COL22A1: variants seen among roughly 807,000 people sequenced by gnomAD.
COL22A1 encodes the protein collagen alpha-1(XXII) chain.
In COL22A1, 221 loss-of-function variants were observed where a neutral mutation model predicts 248.9. That is an observed-to-expected ratio of 0.89 (90% CI 0.80 to 0.99). The LOEUF (loss-of-function observed/expected upper bound fraction) is 0.99, where lower values mean the gene tolerates loss of function less well. Among genes scored for constraint, COL22A1 ranks in the 50% least tolerant of loss-of-function variants. COL22A1 has a pLI of 0.00. For missense variants in COL22A1, 2,240 were observed against 2,179.0 expected, an observed-to-expected ratio of 1.03 and a Z score of -0.56; for synonymous variants, 891 against 793.4, an observed-to-expected ratio of 1.12 and a Z score of -2.07.
At chr8:138,911,289 G>T (rs1815435519) in intron 1 of COL22A1, among the ~76,000 whole-genome samples, 1 of 152,216 alleles carries the variant, frequency 6.6e-6, no homozygotes, top group Non-Finnish European at 1.5e-5. Context: ...CTACAGGGCA[G>T]CCCTCCAAAT....
At chr8:138,592,218 T>C (rs1817131343) in intron 63 of COL22A1, among the ~76,000 whole-genome samples, 1 of 152,214 alleles carries the variant, frequency 6.6e-6, no homozygotes, top group African/African-American at 2.4e-5. Flanking sequence ...TGATCCATTT[T>C]CTCTGGGAGG....
At position 138,623,781 on chromosome 8, in the gene COL22A1, T is replaced by C. The variant is rs182329218; in HGVS notation, c.3722A>G (p.Glu1241Gly). The C allele has an allele frequency of 6.2e-7, 1 of 1,612,772 alleles. No individual in the cohort carries two copies. The highest frequency in any genetic ancestry group is 1.7e-5 in the Admixed American group (1 of 59,764). Residue 1241 changes from glutamate (E) to glycine (G), a missense_variant, in exon 52 of 65, where the codon GAA (glutamate) becomes GGA (glycine). Transcript: ENST00000303045. Reference sequence around the variant, plus strand: ...TCCATCTCTGCCCTCTTTGCCTTCTTCTCCCTGCAAGAGAAACTCAAATTG... The same window carrying C: ...TCCATCTCTGCCCTCTTTGCCTTCTCCTCCCTGCAAGAGAAACTCAAATTG... ...GPSGLPGIPG[E>G]EGKEGRDGKP...
At chr8:138,833,636 A>G (rs1820218169) in intron 4 of COL22A1, among the ~76,000 whole-genome samples, 1 of 152,262 alleles carries the variant, frequency 6.6e-6, no homozygotes, top group Non-Finnish European at 1.5e-5. Context: ...AGAGAGAAAC[A>G]TCAGAGAGGA....
intron 52 of COL22A1, among the ~76,000 whole-genome samples, chr8:138,622,858 C>G (rs546186083): frequency 6.6e-6 from 1 of 152,170 alleles, no homozygotes; most frequent in South Asian, 2.1e-4. Context: ...TTTAACTAGT[C>G]TCATACTGGT....
intron 3 of COL22A1, among the ~76,000 whole-genome samples, chr8:138,858,711 G>A (rs1440239411): frequency 6.6e-6 from 1 of 152,208 alleles, no homozygotes; most frequent in East Asian, 1.9e-4. Flanking sequence ...CCGGGTGAGA[G>A]GGTTGCTGAG....
intron 47 of COL22A1, among the ~76,000 whole-genome samples, chr8:138,638,924 C>G (rs1462765523): frequency 6.6e-6 from 1 of 152,132 alleles, no homozygotes; most frequent in Non-Finnish European, 1.5e-5. Flanking sequence ...ACAGTTGTCC[C>G]TGTCTCCTAC....
At chr8:138,911,041 G>T (rs1462529405) in intron 1 of COL22A1, among the ~76,000 whole-genome samples, 2 of 152,182 alleles carry the variant, frequency 1.3e-5, no homozygotes, top group African/African-American at 4.8e-5. Context: ...TCTCAAGCTA[G>T]GAAGGACCTT....
chr8:138,612,330 G>A (rs998450566), intron 56 of COL22A1, among the ~76,000 whole-genome samples: 1 of 152,000 alleles, frequency 6.6e-6, no homozygotes, highest in Non-Finnish European at 1.5e-5. Context: ...TTTTCTCTTT[G>A]CACAGCACTA....
intron 6 of COL22A1, among the ~76,000 whole-genome samples, 170 bp downstream of exon 6, chr8:138,826,488 G>T (rs1488667908): frequency 6.6e-6 from 1 of 152,076 alleles, no homozygotes; most frequent in Non-Finnish European, 1.5e-5. Flanking sequence ...GACCTCTTGG[G>T]TCTCATGACA....
intron 30 of COL22A1, among the ~76,000 whole-genome samples, chr8:138,714,409 T>C (rs1482471459): frequency 6.6e-6 from 1 of 152,092 alleles, no homozygotes; most frequent in Admixed American, 6.6e-5. Context: ...TAGTAGGAGA[T>C]GGAGAGGACA....
intron 15 of COL22A1, among the ~76,000 whole-genome samples, chr8:138,776,429 C>T (rs1165243094): frequency 2.0e-5 from 3 of 152,150 alleles, no homozygotes; most frequent in Admixed American, 1.3e-4. Context: ...CAGAGAATGG[C>T]TCCTTTAAGG....
intron 30 of COL22A1, among the ~76,000 whole-genome samples, chr8:138,713,122 CAT>C (rs1193088650): frequency 5.3e-5 from 8 of 152,266 alleles, no homozygotes; most frequent in Admixed American, 2.0e-4. Flanking sequence ...GGGCAGAAAA[CAT>C]AGTGGAATTT....
chr8:138,876,071 G>T (rs765381056), intron 3 of COL22A1, among the ~76,000 whole-genome samples: 1 of 151,836 alleles, frequency 6.6e-6, no homozygotes, highest in Admixed American at 6.6e-5. Context: ...TCATACCCCC[G>T]CATAAACCCT....
intron 4 of COL22A1, among the ~76,000 whole-genome samples, chr8:138,835,314 G>A (rs976427095): frequency 2.0e-5 from 3 of 152,152 alleles, no homozygotes; most frequent in Non-Finnish European, 2.9e-5. Flanking sequence ...CTAAAGATGC[G>A]AACAGTATTC....
intron 1 of COL22A1, among the ~76,000 whole-genome samples, chr8:138,902,786 T>A (rs10110642): frequency 0.26 from 28,802 of 109,408 alleles, 3,245 homozygotes; most frequent in African/African-American, 0.38. Context: ...ACACACACAC[T>A]AGAACTGACT....
In COL22A1 at chr8:138,661,884, A is replaced by C. The variant is rs998158538; in HGVS notation, c.3240+146T>G. 5.0e-5 allele frequency: 26 copies of C among 522,100 alleles called. No individual in the cohort carries two copies. The East Asian group carries it at 7.1e-4, about 14-fold the overall frequency. The allele number at this position is 522,100 out of a possible 1,614,324, so 32.3% of individuals were successfully genotyped here. A position where few individuals can be genotyped will look rare whatever the true frequency, so the allele number is the denominator to read the frequency against. On this transcript the variant is annotated intron_variant, in intron 43 of 64. Coordinates refer to ENST00000303045, the MANE Select transcript of COL22A1 (RefSeq NM_152888.3). ...ACTCAACAGAAGAGCAAAAATAAAA[A>C]GCATGTCCATGGGGCTTCCTGGAAA...
chr8:138,634,810 T>C (rs2132022470), intron 49 of COL22A1, among the ~76,000 whole-genome samples, 200 bp downstream of exon 49: 1 of 152,334 alleles, frequency 6.6e-6, no homozygotes, highest in Middle Eastern at 3.4e-3. Flanking sequence ...GCATGGTCCA[T>C]CAAGCCTACT....
At chr8:138,769,192 A>G (rs920238579) in intron 16 of COL22A1, among the ~76,000 whole-genome samples, 1 of 152,116 alleles carries the variant, frequency 6.6e-6, no homozygotes, top group Non-Finnish European at 1.5e-5. Context: ...TACCCCCTGC[A>G]GGGCCTGGCG....
intron 42 of COL22A1, among the ~76,000 whole-genome samples, chr8:138,663,191 C>A (rs758358006): frequency 8.5e-5 from 13 of 152,178 alleles, no homozygotes; most frequent in Non-Finnish European, 1.6e-4. Context: ...AGTAAATGCA[C>A]GCACAGGCAT....
Sources: allele counts gnomAD v4.1 joint callset (sites outside exome capture counted in the v4.1 genomes callset), GRCh38; gene constraint gnomAD v4.1.1; transcripts MANE v1.5; gene names NCBI Gene and HGNC (gene_info 2026-07-23, HGNC 2026-07-21).